ACTL6A: variants seen among roughly 807,000 people sequenced by gnomAD.
ACTL6A encodes actin like 6A, also known as actin-like protein 6A.
A neutral mutation model predicts 59.2 loss-of-function variants in ACTL6A; 5 were observed. The observed-to-expected ratio is 0.08, with a 90% CI of 0.04 to 0.18. ACTL6A has a LOEUF of 0.18. ACTL6A is among the 10% of genes least tolerant of loss of function. The pLI, the probability that ACTL6A is intolerant of heterozygous loss-of-function variation, is 1.00. For missense variants in ACTL6A, 285 were observed against 526.9 expected, an observed-to-expected ratio of 0.54 and a Z score of 4.49; for synonymous variants, 154 against 171.8, an observed-to-expected ratio of 0.90 and a Z score of 0.81.
chr3:179,572,267 G>A (rs997698887), intron 3 of ACTL6A, among the ~76,000 whole-genome samples: 7 of 151,886 alleles, frequency 4.6e-5, no homozygotes, highest in Non-Finnish European at 1.0e-4. Flanking sequence ...AACAAGAAAA[G>A]AAAAAGTTTC....
intron 5 of ACTL6A, chr3:179,575,243 T>A: frequency 2.6e-6 from 1 of 383,470 alleles, no homozygotes; most frequent in Non-Finnish European, 5.1e-6. Flanking sequence ...TACTTGCAGT[T>A]CTCTGACCTC....
chr3:179,563,007 C>G lies in ACTL6A; in HGVS notation c.-86C>G. 6.5e-7 allele frequency: 1 copy of G among 1,547,656 alleles called. No homozygotes were observed. The highest frequency in any genetic ancestry group is 1.2e-5 in the South Asian group (1 of 86,758). ...CGGTGGAAGTTAAGGGAGTCAGGGG[C>G]TATCGCTCCTCGAGACTCGCAGTCG... On this transcript the variant is annotated 5_prime_UTR_variant, in exon 1 of 14. Coordinates refer to ENST00000429709, the MANE Select transcript of ACTL6A (RefSeq NM_004301.5).
intron 1 of ACTL6A, among the ~76,000 whole-genome samples, chr3:179,565,425 T>C (rs374116390): frequency 1.9e-5 from 1 of 52,860 alleles, no homozygotes; most frequent in Non-Finnish European, 7.1e-5. Context: ...AAAACAAACA[T>C]ATATATATGT....
chr3:179,571,125 A>C (rs1034960574), intron 3 of ACTL6A, among the ~76,000 whole-genome samples: 1 of 152,152 alleles, frequency 6.6e-6, no homozygotes, highest in African/African-American at 2.4e-5. Flanking sequence ...CGGTTTTAAA[A>C]GGCATGGTTG....
In ACTL6A at chr3:179,569,872, C is replaced by T. The variant is rs577958093; in HGVS notation, c.74C>T (p.Ala25Val). 3 of 1,614,066 alleles carry T rather than the reference C, an allele frequency of 1.9e-6. No homozygotes were observed. Among genetic ancestry groups the T allele is most frequent in the South Asian group, 1.1e-5 (1 of 91,086 alleles). ...GACATTGGATCCTATACTGTGAGAG[C>T]TGGTTATGCTGGTGAGGACTGCCCC... ...VFDIGSYTVR[A>V]GYAGEDCPKV... Residue 25 changes from alanine to valine, a missense_variant, in exon 2 of 14, where the codon GCT becomes GTT. Transcript: ENST00000429709.
At position 179,576,871 on chromosome 3, in the gene ACTL6A, G is replaced by A. The variant is rs1718183193; in HGVS notation, c.726G>A (p.Lys242=). The change falls in exon 8 of 14, where the codon AAG becomes AAA. Residue 242 remains lysine, a synonymous_variant. Coordinates refer to ENST00000429709, the MANE Select transcript of ACTL6A (RefSeq NM_004301.5). ...GSPANWKRKE[K]LPQVTRSWHN... is the part of the protein sequence containing the mutation. Reference sequence around the variant, plus strand: ...CAGCAAACTGGAAAAGAAAAGAGAAGTTGCCTCAGGTTACGAGGTCTTGGC... The same window carrying A: ...CAGCAAACTGGAAAAGAAAAGAGAAATTGCCTCAGGTTACGAGGTCTTGGC... 1.2e-6 allele frequency: 2 copies of A among 1,614,014 alleles called. No individual in the cohort carries two copies. Among genetic ancestry groups the A allele is most frequent in the East Asian group, 4.5e-5 (2 of 44,858 alleles).
intron 4 of ACTL6A, 106 bp from the exon 5 acceptor site, chr3:179,574,264 T>C (rs2108360949): frequency 1.6e-6 from 1 of 630,674 alleles, no homozygotes; most frequent in South Asian, 2.1e-5. Flanking sequence ...TTTTATTCTG[T>C]TCTTAATGTT....
At chr3:179,569,220 CAGGT>C (rs1717928408) in intron 1 of ACTL6A, among the ~76,000 whole-genome samples, 1 of 152,188 alleles carries the variant, frequency 6.6e-6, no homozygotes, top group African/African-American at 2.4e-5. Context: ...CAGCTCCTGT[CAGGT>C]AGCCCTCCCC....
intron 1 of ACTL6A, among the ~76,000 whole-genome samples, chr3:179,563,963 A>G (rs1013082610): frequency 2.0e-5 from 3 of 152,172 alleles, no homozygotes; most frequent in Non-Finnish European, 2.9e-5. Context: ...TTCCAACTTC[A>G]GGCCTCATTT....
At chr3:179,587,431 A>G (rs1465329930) in intron 13 of ACTL6A, among the ~76,000 whole-genome samples, 1 of 152,198 alleles carries the variant, frequency 6.6e-6, no homozygotes, top group Non-Finnish European at 1.5e-5. Flanking sequence ...TAACAGATAC[A>G]GAAGGACTTA....
intron 1 of ACTL6A, among the ~76,000 whole-genome samples, chr3:179,563,691 C>A (rs1717742823): frequency 6.6e-6 from 1 of 152,244 alleles, no homozygotes; most frequent in Non-Finnish European, 1.5e-5. Flanking sequence ...CCTCACCTTT[C>A]AGTAACTCTT....
chr3:179,578,418 C>G (rs756574394), intron 8 of ACTL6A, among the ~76,000 whole-genome samples: 3 of 151,996 alleles, frequency 2.0e-5, no homozygotes, highest in Admixed American at 2.0e-4. Context: ...GGTGCCACTG[C>G]GCTCCTGCCT....
At chr3:179,585,095 G>GATTT (rs965473401) in intron 12 of ACTL6A, among the ~76,000 whole-genome samples, 2 of 151,864 alleles carry the variant, frequency 1.3e-5, no homozygotes, top group Admixed American at 1.3e-4. Flanking sequence ...ATTGATTGGA[G>GATTT]ATTTATTTAT....
intron 1 of ACTL6A, among the ~76,000 whole-genome samples, chr3:179,568,444 A>G (rs1475326106): frequency 6.6e-6 from 1 of 151,600 alleles, no homozygotes; most frequent in Admixed American, 6.6e-5. Context: ...ATTGATACAG[A>G]TTTCCTCTCT....
rs28627923 is a variant in ACTL6A, at chr3:179,566,841, G to C, written c.26-2983G>C. Among the ~76,000 whole-genome samples, 185 of 152,092 alleles carry C rather than the reference G, an allele frequency of 1.2e-3. 1 individual carries two copies. Among genetic ancestry groups the C allele is most frequent in the African/African-American group, 3.7e-3 (155 of 41,506 alleles). On this transcript the variant is annotated intron_variant, in intron 1 of 13. Transcript: ENST00000429709. ...AGTAGCTAGGACTACAGGTGCATAC[G>C]GCCACGCCCGGCTAATTTTTTGTAT...
intron 1 of ACTL6A, among the ~76,000 whole-genome samples, chr3:179,567,899 C>T (rs1353237700): frequency 2.0e-5 from 3 of 152,034 alleles, no homozygotes; most frequent in East Asian, 1.9e-4. Context: ...AGAGGCTGGG[C>T]GCGGTGGCTA....
Position 179,574,441 on chromosome 3 carries a change from C to T in ACTL6A, c.450C>T (p.Phe150=). 1 of 1,612,828 alleles carries T rather than the reference C, an allele frequency of 6.2e-7. No homozygotes were observed. Among genetic ancestry groups the T allele is most frequent in the Non-Finnish European group, 8.5e-7 (1 of 1,179,018 alleles). The change falls in exon 5 of 14, where the codon TTC becomes TTT. Residue 150 remains phenylalanine (F), a synonymous_variant. Coordinates refer to ENST00000429709, the MANE Select transcript of ACTL6A (RefSeq NM_004301.5). Reference sequence around the variant, plus strand: ...AACACTACAACATCCCTGCCTTCTTCCTTTGCAAAACTGCAGTTTTGACAG... The same window carrying T: ...AACACTACAACATCCCTGCCTTCTTTCTTTGCAAAACTGCAGTTTTGACAG... The part of the protein sequence containing the change: ...MFEHYNIPAF[F]LCKTAVLTAF...
At chr3:179,575,015 A>G (rs951858019) in intron 5 of ACTL6A, 6 of 186,516 alleles carry the variant, frequency 3.2e-5, no homozygotes, top group East Asian at 3.0e-4. Context: ...TTATTTATTT[A>G]TTTATTTGGT....
Position 179,576,827 on chromosome 3 carries a change from G to T in ACTL6A, c.682G>T (p.Ala228Ser). The T allele has an allele frequency of 6.2e-7, 1 of 1,613,966 alleles. No individual in the cohort carries two copies. Among genetic ancestry groups the T allele is most frequent in the Non-Finnish European group, 8.5e-7 (1 of 1,179,936 alleles). Residue 228 changes from alanine (A) to serine (S), a missense_variant, in exon 8 of 14, where the codon GCT becomes TCT. By Grantham distance (99) the Ala-to-Ser change is moderately conservative. Transcript: ENST00000429709. Reference protein sequence around the residue: ...VPPYMIASKEAVREGSPANWK... With the variant: ...VPPYMIASKESVREGSPANWK... ...TAGCATCTCTTGGTACTCTCAGGAA[G>T]CTGTTCGTGAAGGATCTCCAGCAAA... is the stretch of plus-strand genomic sequence containing the variant.
Sources: allele counts gnomAD v4.1 joint callset (sites outside exome capture counted in the v4.1 genomes callset), GRCh38; gene constraint gnomAD v4.1.1; transcripts MANE v1.5; gene names NCBI Gene and HGNC (gene_info 2026-07-23, HGNC 2026-07-21).